The following WDR72 variants were observed in gnomAD, a reference collection of about 807,000 sequenced individuals.
WDR72 encodes WD repeat-containing protein 72.
WDR72 carries 120 observed loss-of-function variants against 124.2 expected under a neutral mutation model. The observed-to-expected ratio is 0.97, with a 90% CI of 0.83 to 1.12. The LOEUF (loss-of-function observed/expected upper bound fraction) is 1.12, where lower values mean the gene tolerates loss of function less well. WDR72 is among the 50% of genes most tolerant of loss of function. The pLI, the probability that WDR72 is intolerant of heterozygous loss-of-function variation, is 0.00. For missense variants in WDR72, 1,387 were observed against 1,278.8 expected (o/e 1.08, Z -1.29); for synonymous variants, 452 against 441.7 (o/e 1.02, Z -0.29).
chr15:53,565,527 GTATAC>G (rs1023921577), intron 18 of WDR72, among the ~76,000 whole-genome samples: 9 of 151,800 alleles, frequency 5.9e-5, no homozygotes, highest in South Asian at 2.1e-4. Flanking sequence ...AAACAGTAAG[GTATAC>G]TATGCACAGT....
chr15:53,735,008 T>C (rs2018310581), intron 1 of WDR72, among the ~76,000 whole-genome samples: 1 of 152,076 alleles, frequency 6.6e-6, no homozygotes, highest in Admixed American at 6.6e-5. Context: ...TGACAAGTGT[T>C]AATGGCTAGG....
chr15:53,754,336 G>A (rs1376070282), intron 1 of WDR72, among the ~76,000 whole-genome samples: 2 of 152,124 alleles, frequency 1.3e-5, no homozygotes, highest in Non-Finnish European at 2.9e-5. Flanking sequence ...TGGGGTGACT[G>A]CAATGCAGTT....
chr15:53,661,259 C>T (rs1478187867), intron 14 of WDR72, among the ~76,000 whole-genome samples: 1 of 152,170 alleles, frequency 6.6e-6, no homozygotes, highest in Non-Finnish European at 1.5e-5. Context: ...TATTTGGCTC[C>T]TGATTCTGCT....
intron 18 of WDR72, among the ~76,000 whole-genome samples, chr15:53,547,972 G>A (rs186404659): frequency 6.6e-6 from 1 of 152,230 alleles, no homozygotes; most frequent in Non-Finnish European, 1.5e-5. Flanking sequence ...AAATGTTGCT[G>A]ATCTCCAAAG....
intron 14 of WDR72, among the ~76,000 whole-genome samples, chr15:53,645,524 C>A (rs550014482): frequency 3.3e-5 from 5 of 151,908 alleles, no homozygotes; most frequent in Non-Finnish European, 5.9e-5. Context: ...ATCAATAAAC[C>A]GTTATAAAAT....
chr15:53,582,299 G>T (rs62005916), intron 18 of WDR72, among the ~76,000 whole-genome samples: 141 of 152,082 alleles, frequency 9.3e-4, no homozygotes, highest in Non-Finnish European at 1.8e-3. Flanking sequence ...AGGACACGTG[G>T]TTTTCCAGTA....
chr15:53,522,579 C>A (rs1891862311), intron 19 of WDR72, among the ~76,000 whole-genome samples: 2 of 152,000 alleles, frequency 1.3e-5, no homozygotes, highest in Admixed American at 1.3e-4. Context: ...AAAATAGAAA[C>A]AGAAATCCTT....
At position 53,516,341 on chromosome 15, in the gene WDR72, C is replaced by T. The variant is rs532693194; in HGVS notation, c.*1358G>A. On this transcript the variant is annotated 3_prime_UTR_variant, in exon 20 of 20. Transcript: ENST00000360509. ...ATTATAAGTTCCTTAAGGGTGCAGC[C>T]CACGTCATTTCAATTACACAGTTCT... 6.6e-6 allele frequency: 1 copy of T among 152,092 alleles called. No individual in the cohort carries two copies. The highest frequency in any genetic ancestry group is 1.5e-5 in the Non-Finnish European group (1 of 67,960). 9.4% of individuals were successfully genotyped at this position (152,092 alleles called of 1,614,324 possible).
intron 18 of WDR72, among the ~76,000 whole-genome samples, chr15:53,552,150 G>A (rs577923586): frequency 0.045 from 6,826 of 151,756 alleles, 427 homozygotes; most frequent in African/African-American, 0.14. Flanking sequence ...GTGTGTGTGT[G>A]TGTTTATGTA....
At chr15:53,567,878 A>AT (rs1894358589) in intron 18 of WDR72, among the ~76,000 whole-genome samples, 1 of 151,634 alleles carries the variant, frequency 6.6e-6, no homozygotes, top group African/African-American at 2.4e-5. Flanking sequence ...TTTTATCAAC[A>AT]GATAAAAAAC....
At position 53,613,744 on chromosome 15, in the gene WDR72, C is replaced by G. The variant is rs181641456; in HGVS notation, c.2794G>C (p.Glu932Gln). The G allele has an allele frequency of 3.7e-6, 6 of 1,604,786 alleles. No homozygotes were observed. The Admixed American group carries it at 6.7e-5, about 18-fold the overall frequency. Residue 932 changes from glutamate (E) to glutamine (Q), a missense_variant, in exon 16 of 20, where the codon GAA becomes CAA. Glu to Gln is a conservative substitution (Grantham distance 29). Transcript: ENST00000360509. ...ACRVGSSFRM[E>Q]SIHNKMRGAG... ...CCTCTCATCTTATTATGTATACTTT[C>G]CATTCTGAAAGAACTGTTAGAAAAA... is the stretch of plus-strand genomic sequence containing the variant.
intron 3 of WDR72, among the ~76,000 whole-genome samples, chr15:53,718,782 T>TCTTAAGATTTTAAAAAATTTTAAAAAC (rs2017785632): frequency 8.8e-6 from 1 of 113,864 alleles, no homozygotes; most frequent in African/African-American, 2.7e-5. Context: ...ATTTTAAAAA[T>TCTTAAGATTTTAAAAAATTTTAAAAAC]CTTAAGATTT....
chr15:53,520,521 C>T (rs1891732313), intron 19 of WDR72, among the ~76,000 whole-genome samples: 1 of 152,010 alleles, frequency 6.6e-6, no homozygotes, highest in African/African-American at 2.4e-5. Flanking sequence ...CTAAGGAATA[C>T]ACTAATGCAA....
intron 18 of WDR72, among the ~76,000 whole-genome samples, chr15:53,575,153 CAT>C (rs1178456366): frequency 1.3e-5 from 2 of 148,238 alleles, no homozygotes; most frequent in South Asian, 4.3e-4. Flanking sequence ...GCTTATTTTT[CAT>C]ATGAGTACTA....
Position 53,616,105 on chromosome 15 carries a change from C to T in WDR72, c.2101G>A (p.Val701Ile), listed in dbSNP as rs568484297. Residue 701 changes from valine (V) to isoleucine (I), a missense_variant, in exon 15 of 20, where the codon GTT becomes ATT. By Grantham distance (29) the Val-to-Ile change is conservative. Transcript: ENST00000360509. ...CCATAGAATGAACTGGAAGAGTCAACATCACTGAGTGGAGTTGGTAGCAAA... is the reference window on the plus strand; with the variant it reads ...CCATAGAATGAACTGGAAGAGTCAATATCACTGAGTGGAGTTGGTAGCAAA... ...ELLLPTPLSD[V>I]DSSSSFYGGE... The T allele has an allele frequency of 3.7e-6, 6 of 1,605,218 alleles. No individual in the cohort carries two copies. The African/African-American group carries it at 4.0e-5, about 11-fold the overall frequency.
intron 18 of WDR72, among the ~76,000 whole-genome samples, chr15:53,581,326 T>C (rs1441436617): frequency 2.6e-5 from 4 of 152,118 alleles, no homozygotes; most frequent in Non-Finnish European, 5.9e-5. Flanking sequence ...AAAGTTTATA[T>C]GACTGTCATC....
At chr15:53,550,891 C>T (rs1186816905) in intron 18 of WDR72, among the ~76,000 whole-genome samples, 3 of 152,072 alleles carry the variant, frequency 2.0e-5, no homozygotes, top group Non-Finnish European at 2.9e-5. Context: ...CTAGGAGACA[C>T]ACAATCTGTA....
At chr15:53,612,293 T>C (rs1308846817) in intron 16 of WDR72, among the ~76,000 whole-genome samples, 1 of 152,126 alleles carries the variant, frequency 6.6e-6, no homozygotes, top group East Asian at 1.9e-4. Context: ...ATAACTTCTA[T>C]GGAGCTTACA....
chr15:53,739,849 A>AT (rs1190890811), intron 1 of WDR72, among the ~76,000 whole-genome samples: 3 of 152,090 alleles, frequency 2.0e-5, no homozygotes, highest in Admixed American at 6.5e-5. Context: ...GAAACTGGGC[A>AT]TTTTTTTACG....
Sources: allele counts gnomAD v4.1 joint callset (sites outside exome capture counted in the v4.1 genomes callset), GRCh38; gene constraint gnomAD v4.1.1; transcripts MANE v1.5; gene names NCBI Gene and HGNC (gene_info 2026-07-23, HGNC 2026-07-21).